PCDHA13: variants seen among roughly 807,000 people sequenced by gnomAD.
The protein encoded by PCDHA13 is protocadherin alpha-13.
Under a neutral mutation model 64.8 loss-of-function variants are expected in PCDHA13, and 54 were observed. The observed-to-expected ratio is 0.83, with a 90% confidence interval of 0.67 to 1.04. The LOEUF is 1.04. Ranked by LOEUF, PCDHA13 falls within the 50% of genes least tolerant of loss-of-function variation. The pLI is 0.00. For missense variants in PCDHA13, 1,248 were observed against 1,254.3 expected, an observed-to-expected ratio of 0.99 and a Z score of 0.08; for synonymous variants, 587 against 564.4, an observed-to-expected ratio of 1.04 and a Z score of -0.57.
At chr5:140,996,802 T>C (rs1554255415) in intron 3 of PCDHA13, among the ~76,000 whole-genome samples, 1 of 152,218 alleles carries the variant, frequency 6.6e-6, no homozygotes, top group Non-Finnish European at 1.5e-5. Flanking sequence ...CATCCAATCA[T>C]GCTTTCCAAA....
chr5:140,901,263 G>A (rs967047702), intron 1 of PCDHA13, among the ~76,000 whole-genome samples: 1 of 151,938 alleles, frequency 6.6e-6, no homozygotes, highest in Admixed American at 6.6e-5. Flanking sequence ...GTGATTGTGG[G>A]GTATTACTCA....
In PCDHA13 at chr5:140,927,497, T is replaced by G. The variant is rs199998669; in HGVS notation, c.2394+42835T>G. ...GAACAGCGCGCCACCCACCTGCTGGTGCTTACAGCTCGGGACGGCGGGCTA... is the reference window on the plus strand; with the variant it reads ...GAACAGCGCGCCACCCACCTGCTGGGGCTTACAGCTCGGGACGGCGGGCTA... On this transcript the variant is annotated intron_variant, in intron 1 of 3. Coordinates refer to ENST00000289272, the MANE Select transcript of PCDHA13 (RefSeq NM_018904.3). The G allele has an allele frequency of 2.0e-4, 325 of 1,614,094 alleles. No homozygotes were observed. The highest frequency in any genetic ancestry group is 2.6e-4 in the Non-Finnish European group (305 of 1,180,030).
intron 1 of PCDHA13, chr5:140,968,831 C>T (rs1469537973): frequency 1.2e-6 from 2 of 1,614,020 alleles, no homozygotes; most frequent in Non-Finnish European, 8.5e-7. Flanking sequence ...CAAAATCCTC[C>T]CTGACACTCA....
intron 3 of PCDHA13, among the ~76,000 whole-genome samples, chr5:140,991,634 A>G (rs1261533190): frequency 5.9e-5 from 9 of 152,196 alleles, no homozygotes; most frequent in African/African-American, 1.7e-4. Flanking sequence ...TGTAATAACA[A>G]TCTGTTCATG....
intron 1 of PCDHA13, among the ~76,000 whole-genome samples, chr5:140,915,626 G>C (rs928151112): frequency 6.1e-5 from 9 of 146,436 alleles, no homozygotes; most frequent in East Asian, 4.1e-4. Flanking sequence ...GTCTCTTTCT[G>C]TCTCTCTCTC....
At chr5:140,966,488 C>A (rs1161799910) in intron 1 of PCDHA13, 8 of 440,132 alleles carry the variant, frequency 1.8e-5, no homozygotes, top group Admixed American at 8.7e-5. Flanking sequence ...TTTCCCTCCC[C>A]CTGGAGCTGT....
rs782169362 is a variant in PCDHA13 at position 140,979,015 on chromosome 5, T to A, written c.2453+8T>A. The A allele has an allele frequency of 6.2e-7, 1 of 1,613,920 alleles. No homozygotes were observed. Among genetic ancestry groups the A allele is most frequent in the Non-Finnish European group, 8.5e-7 (1 of 1,179,908 alleles). On this transcript the variant is annotated splice_region_variant and intron_variant, in intron 2 of 3. Coordinates refer to ENST00000289272, the MANE Select transcript of PCDHA13 (RefSeq NM_018904.3). ...GAGAGCAGGCATGCACAGGTATGTA[T>A]TTCCCTCCTCATTCACTCAGAAGTA...
At chr5:140,988,467 A>T (rs1245281936) in intron 3 of PCDHA13, among the ~76,000 whole-genome samples, 12 of 152,242 alleles carry the variant, frequency 7.9e-5, no homozygotes, top group African/African-American at 2.4e-4. Flanking sequence ...AGGGTGTGGG[A>T]AGGGGAATTA....
At chr5:140,967,422 A>C in intron 1 of PCDHA13, 6 of 1,613,338 alleles carry the variant, frequency 3.7e-6, no homozygotes, top group East Asian at 2.2e-5. Flanking sequence ...GACCGGGAGC[A>C]GGCAGCCTTG....
intron 3 of PCDHA13, among the ~76,000 whole-genome samples, chr5:140,987,465 T>C (rs1554249222): frequency 6.6e-6 from 1 of 152,130 alleles, no homozygotes; most frequent in Non-Finnish European, 1.5e-5. Flanking sequence ...TGTTAAGAGC[T>C]CAAGCTTGGG....
At chr5:140,925,523 A>G (rs2082536331) in intron 1 of PCDHA13, among the ~76,000 whole-genome samples, 1 of 152,138 alleles carries the variant, frequency 6.6e-6, no homozygotes, top group African/African-American at 2.4e-5. Flanking sequence ...ACCAAATTAA[A>G]AGCGAGGAGA....
rs1317545188 is a variant in PCDHA13 at position 140,882,155 on chromosome 5, T to C, written c.-114T>C. 1.3e-6 allele frequency: 2 copies of C among 1,504,050 alleles called. No individual in the cohort carries two copies. Among genetic ancestry groups the C allele is most frequent in the Admixed American group, 2.3e-5 (1 of 43,962 alleles). 93.2% of individuals were successfully genotyped at this position (1,504,050 alleles called of 1,614,324 possible). ...GCAGAAAATATAGCAGAAAGCGGAA[T>C]ACCTCTTGCGAATCCTTCCGCACTA... On this transcript the variant is annotated 5_prime_UTR_variant, in exon 1 of 4. Transcript: ENST00000289272.
chr5:140,934,236 T>C (rs532427064), intron 1 of PCDHA13, among the ~76,000 whole-genome samples: 1 of 152,290 alleles, frequency 6.6e-6, no homozygotes, highest in South Asian at 2.1e-4. Context: ...TTGTACTTAA[T>C]TGTGGAGATT....
At chr5:140,928,082 T>A (rs1387313022) in intron 1 of PCDHA13, 4 of 1,614,094 alleles carry the variant, frequency 2.5e-6, no homozygotes, top group Admixed American at 3.3e-5. Context: ...TACTACAGCC[T>A]GCTGATTGAT....
At chr5:140,901,667 A>G (rs1319008143) in intron 1 of PCDHA13, among the ~76,000 whole-genome samples, 1 of 151,994 alleles carries the variant, frequency 6.6e-6, no homozygotes, top group Non-Finnish European at 1.5e-5. Context: ...TGCTCAAGAT[A>G]CCTTTAGGTA....
intron 3 of PCDHA13, among the ~76,000 whole-genome samples, chr5:140,985,878 T>C (rs891027308): frequency 6.6e-6 from 1 of 151,706 alleles, no homozygotes; most frequent in Non-Finnish European, 1.5e-5. Flanking sequence ...TAGCTGGGAC[T>C]ACAGGCGCCC....
chr5:140,998,569 GTT>G (rs71574497), intron 3 of PCDHA13, among the ~76,000 whole-genome samples: 14 of 149,410 alleles, frequency 9.4e-5, no homozygotes, highest in Admixed American at 6.7e-4. Flanking sequence ...TTGTAAATAA[GTT>G]TTTTTTTTTT....
At chr5:140,900,941 C>T (rs1241522274) in intron 1 of PCDHA13, among the ~76,000 whole-genome samples, 1 of 152,140 alleles carries the variant, frequency 6.6e-6, no homozygotes, top group African/African-American at 2.4e-5. Flanking sequence ...TTTTGATTTG[C>T]ATTTCTCTGA....
At chr5:140,927,166 G>A in intron 1 of PCDHA13, 1 of 1,614,188 alleles carries the variant, frequency 6.2e-7, no homozygotes. Context: ...GGCCAAAGCT[G>A]CCTGCGTCTT....
Sources: allele counts gnomAD v4.1 joint callset (sites outside exome capture counted in the v4.1 genomes callset), GRCh38; gene constraint gnomAD v4.1.1; transcripts MANE v1.5; gene names NCBI Gene and HGNC (gene_info 2026-07-23, HGNC 2026-07-21).